The following EML4 variants were observed in gnomAD, a reference collection of about 807,000 sequenced individuals.
EML4 encodes echinoderm microtubule-associated protein-like 4.
Under a neutral mutation model 129.0 loss-of-function variants are expected in EML4, and 72 were observed. That is an observed-to-expected ratio of 0.56 (90% CI 0.46 to 0.68). EML4 has a LOEUF of 0.68. Among genes scored for constraint, EML4 ranks in the 30% least tolerant of loss-of-function variants. EML4 has a pLI of 0.00. For missense variants in EML4, 1,363 were observed against 1,190.6 expected, an observed-to-expected ratio of 1.14 and a Z score of -2.13; for synonymous variants, 532 against 405.0, an observed-to-expected ratio of 1.31 and a Z score of -3.77.
At chr2:42,221,560 C>T (rs1418882833) in intron 1 of EML4, among the ~76,000 whole-genome samples, 1 of 151,746 alleles carries the variant, frequency 6.6e-6, no homozygotes, top group African/African-American at 2.4e-5. Flanking sequence ...TAAGCACACC[C>T]AACCATGCCT....
At chr2:42,294,471 G>A (rs1309318257) in intron 11 of EML4, among the ~76,000 whole-genome samples, 1 of 152,182 alleles carries the variant, frequency 6.6e-6, no homozygotes, top group Admixed American at 6.5e-5. Context: ...TGAGGTGGGC[G>A]GATGACTTGA....
intron 1 of EML4, among the ~76,000 whole-genome samples, chr2:42,203,974 G>A (rs1672389928): frequency 6.6e-6 from 1 of 152,022 alleles, no homozygotes; most frequent in Non-Finnish European, 1.5e-5. Context: ...AGGCTAGGGT[G>A]CAGTGACACA....
intron 1 of EML4, among the ~76,000 whole-genome samples, chr2:42,217,379 A>G (rs1306981926): frequency 6.6e-6 from 1 of 152,170 alleles, no homozygotes; most frequent in Admixed American, 6.5e-5. Context: ...TTCTTCTCAG[A>G]ATTAACCTTT....
At chr2:42,224,171 TAAG>T (rs1673800742) in intron 1 of EML4, among the ~76,000 whole-genome samples, 1 of 152,130 alleles carries the variant, frequency 6.6e-6, no homozygotes, top group African/African-American at 2.4e-5. Flanking sequence ...TTTACCACAA[TAAG>T]AAGAAATCCT....
intron 1 of EML4, among the ~76,000 whole-genome samples, chr2:42,175,635 A>G (rs1215433765): frequency 6.6e-6 from 1 of 151,960 alleles, no homozygotes; most frequent in Non-Finnish European, 1.5e-5. Context: ...AGTAGCTGAG[A>G]TGACAGGTGT....
At chr2:42,268,011 A>T (rs930756166) in intron 6 of EML4, among the ~76,000 whole-genome samples, 2 of 152,246 alleles carry the variant, frequency 1.3e-5, no homozygotes, top group African/African-American at 4.8e-5. Flanking sequence ...TTCAGGCACC[A>T]TGTATAAAAT....
chr2:42,317,370 C>T, intron 18 of EML4, 57 bp from the exon 19 acceptor site: 2 of 1,106,886 alleles, frequency 1.8e-6, no homozygotes, highest in Non-Finnish European at 2.7e-6. Flanking sequence ...AGTAAAATAA[C>T]AGTAAATAAA....
chr2:42,245,787 T>TGTGATTATAG, intron 2 of EML4, 100 bp downstream of exon 2: 1 of 1,115,054 alleles, frequency 9.0e-7, no homozygotes. Flanking sequence ...GTGGATTACT[T>TGTGATTATAG]GTGATTATAG....
intron 17 of EML4, among the ~76,000 whole-genome samples, chr2:42,305,126 A>G (rs971715120): frequency 2.6e-5 from 4 of 152,162 alleles, no homozygotes; most frequent in Non-Finnish European, 2.9e-5. Context: ...AAAAAAAATA[A>G]TAAGGCGAGT....
At chr2:42,246,215 G>C (rs1572620768) in intron 2 of EML4, among the ~76,000 whole-genome samples, 1 of 152,294 alleles carries the variant, frequency 6.6e-6, no homozygotes, top group South Asian at 2.1e-4. Context: ...TCAAGGTTGA[G>C]ACAAACAGTC....
intron 5 of EML4, among the ~76,000 whole-genome samples, chr2:42,263,833 G>A (rs1168659770): frequency 1.3e-5 from 2 of 151,720 alleles, no homozygotes; most frequent in South Asian, 2.1e-4. Flanking sequence ...AGGTGCAAGC[G>A]ATTGTCCTGC....
At chr2:42,194,347 C>CTT (rs34026132) in intron 1 of EML4, among the ~76,000 whole-genome samples, 36,678 of 126,392 alleles carry the variant, frequency 0.29, 5,541 homozygotes, top group East Asian at 0.56. Context: ...CTCTCTCTCT[C>CTT]TTTTTTTTTT....
chr2:42,193,757 C>G (rs1037144015), intron 1 of EML4, among the ~76,000 whole-genome samples: 10 of 151,800 alleles, frequency 6.6e-5, no homozygotes, highest in Non-Finnish European at 1.0e-4. Context: ...ACAATCATGG[C>G]TCACTGCAGC....
rs1455271475 is a variant in EML4, at chr2:42,331,544, G to C, written c.*1337G>C. 1 of 223,118 alleles carries C rather than the reference G, an allele frequency of 4.5e-6. No homozygotes were observed. The highest frequency in any genetic ancestry group is 2.2e-5 in the African/African-American group (1 of 44,840). The allele number at this position is 223,118 out of a possible 1,614,324, so 13.8% of individuals were successfully genotyped here. ...GTATTTTGTTTTGATTTTTTAACTT[G>C]CTGCATTGTTTTGATACTTTCTATT... On this transcript the variant is annotated 3_prime_UTR_variant, in exon 23 of 23. Transcript: ENST00000318522.
At chr2:42,264,441 A>G (rs977229788) in intron 5 of EML4, among the ~76,000 whole-genome samples, 2 of 152,172 alleles carry the variant, frequency 1.3e-5, no homozygotes, top group South Asian at 4.1e-4. Context: ...TAATAATCAT[A>G]TAAGATTTGA....
intron 1 of EML4, among the ~76,000 whole-genome samples, chr2:42,193,204 A>G (rs937093144): frequency 6.6e-6 from 1 of 152,206 alleles, no homozygotes; most frequent in African/African-American, 2.4e-5. Flanking sequence ...GTACAAGTTT[A>G]TAGCCTAGGA....
intron 1 of EML4, among the ~76,000 whole-genome samples, chr2:42,212,633 TA>T (rs939918626): frequency 1.2e-4 from 18 of 152,212 alleles, no homozygotes; most frequent in African/African-American, 4.3e-4. Context: ...AGTTAACAGA[TA>T]AAATGGCATG....
At chr2:42,285,358 G>T (rs975058517) in intron 9 of EML4, among the ~76,000 whole-genome samples, 4 of 152,144 alleles carry the variant, frequency 2.6e-5, no homozygotes, top group Admixed American at 1.3e-4. Context: ...ACGTATGTAT[G>T]ACTATACTCA....
At chr2:42,253,221 C>G (rs1675895268) in intron 2 of EML4, among the ~76,000 whole-genome samples, 1 of 151,954 alleles carries the variant, frequency 6.6e-6, no homozygotes, top group Admixed American at 6.6e-5. Context: ...CTGGTAGGGC[C>G]CATAGTGGAA....
Sources: gnomAD v4.1 joint callset for allele counts (sites outside exome capture counted in the v4.1 genomes callset) on GRCh38, gnomAD v4.1.1 for gene constraint, MANE v1.5 for transcripts, NCBI Gene and HGNC (gene_info 2026-07-23, HGNC 2026-07-21) for gene names.